The following MYOCD variants were observed in gnomAD, a reference collection of about 807,000 sequenced individuals.
The protein encoded by MYOCD is myocardin.
MYOCD carries 32 observed loss-of-function variants against 96.1 expected under a neutral mutation model. The ratio of observed to expected loss-of-function variants is 0.33; its 90% CI spans 0.25 to 0.45. The LOEUF is 0.45. Among genes scored for constraint, MYOCD ranks in the 20% least tolerant of loss-of-function variants. MYOCD has a pLI of 1.00. For missense variants in MYOCD, 1,133 were observed against 1,200.6 expected (o/e 0.94, Z 0.83); for synonymous variants, 469 against 469.0 (o/e 1.00, Z 0.00).
At chr17:12,746,270 A>ATTTATG (rs1219744512) in intron 9 of MYOCD, among the ~76,000 whole-genome samples, 198 bp downstream of exon 9, 6 of 152,194 alleles carry the variant, frequency 3.9e-5, no homozygotes, top group African/African-American at 1.2e-4. Flanking sequence ...TGCAGCCGTA[A>ATTTATG]CAGGATACTG....
At chr17:12,734,878 C>G (rs943569090) in intron 5 of MYOCD, among the ~76,000 whole-genome samples, 4 of 138,752 alleles carry the variant, frequency 2.9e-5, no homozygotes, top group African/African-American at 1.0e-4. Flanking sequence ...CATGGTAAAG[C>G]GATAATGACT....
chr17:12,747,108 G>A lies in MYOCD; in HGVS notation c.1125+1036G>A, dbSNP rs376925080. On this transcript the variant is annotated intron_variant, in intron 9 of 13. Transcript: ENST00000425538. ...ATTTGCTTTAATTTTCACCCTGCAA[G>A]ATAAGTTTTGTCTCCCCAATTTAAA... Among the ~76,000 whole-genome samples the A allele has an allele frequency of 4.6e-4, 67 of 146,340 alleles. No homozygotes were observed. In the East Asian group the frequency reaches 5.9e-3, roughly 13 times the overall value.
At chr17:12,684,841 G>A (rs1262282295) in intron 1 of MYOCD, among the ~76,000 whole-genome samples, 6 of 137,318 alleles carry the variant, frequency 4.4e-5, no homozygotes, top group African/African-American at 1.4e-4. Context: ...GTGAGAATTC[G>A]TCTCAAAAAA....
intron 5 of MYOCD, among the ~76,000 whole-genome samples, chr17:12,731,804 T>C (rs2032179611): frequency 6.6e-6 from 1 of 152,224 alleles, no homozygotes; most frequent in African/African-American, 2.4e-5. Context: ...GAGGTGTTCA[T>C]GCCAAAAGGA....
Position 12,665,956 on chromosome 17 carries a change from C to G in MYOCD, c.-233C>G, listed in dbSNP as rs1429616310. 1.3e-5 allele frequency: 7 copies of G among 544,362 alleles called. No individual in the cohort carries two copies. Among genetic ancestry groups the G allele is most frequent in the Non-Finnish European group, 2.3e-5 (7 of 305,746 alleles). The allele number at this position is 544,362 out of a possible 1,614,324, so 33.7% of individuals were successfully genotyped here. A position where few individuals can be genotyped will look rare whatever the true frequency, so the allele number is the denominator to read the frequency against. On this transcript the variant is annotated 5_prime_UTR_variant, in exon 1 of 14. Transcript: ENST00000425538. This position sits in a 1 kb window ranked among gnomAD's most constrained non-coding sequence, Gnocchi z 4.2. ...TGCCGCGCTGCTCCTGGCCAACCTC[C>G]GAGGAGGAGGAGGGTCCCGCCGGCT...
chr17:12,760,031 A>T (rs1462947123), intron 12 of MYOCD: 1 of 152,444 alleles, frequency 6.6e-6, no homozygotes, highest in Non-Finnish European at 1.5e-5. Context: ...TGGTTTAAAA[A>T]TTTTTAGGCA....
intron 1 of MYOCD, among the ~76,000 whole-genome samples, chr17:12,703,379 CA>C (rs1235038890): frequency 6.6e-6 from 1 of 151,936 alleles, no homozygotes; most frequent in Non-Finnish European, 1.5e-5. Flanking sequence ...TGAATCTGTA[CA>C]TTTTTTTTCA....
intron 1 of MYOCD, among the ~76,000 whole-genome samples, chr17:12,684,632 G>A (rs1376305771): frequency 6.6e-6 from 1 of 150,640 alleles, no homozygotes; most frequent in Non-Finnish European, 1.5e-5. Context: ...GGATCACAAG[G>A]TCAGGAGTGC....
intron 1 of MYOCD, among the ~76,000 whole-genome samples, chr17:12,691,418 C>T (rs1159300351): frequency 6.6e-6 from 1 of 152,160 alleles, no homozygotes; most frequent in Admixed American, 6.5e-5. Context: ...ATTCAGGAGC[C>T]TCATTCTAAT....
chr17:12,746,763 C>T (rs977688647), intron 9 of MYOCD, among the ~76,000 whole-genome samples: 1 of 133,882 alleles, frequency 7.5e-6, no homozygotes, highest in African/African-American at 2.8e-5. Context: ...GAGTCTTGCT[C>T]TGTCATCCAG....
At chr17:12,748,210 AAGAG>A (rs779997858) in intron 9 of MYOCD, among the ~76,000 whole-genome samples, 11 of 144,348 alleles carry the variant, frequency 7.6e-5, no homozygotes, top group African/African-American at 2.0e-4. Context: ...GAGAGAGAGA[AAGAG>A]AGAGACTGAA....
At chr17:12,761,304 C>A in intron 13 of MYOCD, 1 of 130,054 alleles carries the variant, frequency 7.7e-6, no homozygotes. Context: ...AATAAAAGCA[C>A]TCAGGGAGGA....
intron 2 of MYOCD, among the ~76,000 whole-genome samples, chr17:12,706,789 C>T (rs541457692): frequency 6.6e-6 from 1 of 152,236 alleles, no homozygotes; most frequent in East Asian, 1.9e-4. Flanking sequence ...TTTTGTTCCC[C>T]AGGAATTCCA....
intron 8 of MYOCD, among the ~76,000 whole-genome samples, chr17:12,745,335 T>G (rs1223211466): frequency 2.0e-5 from 3 of 151,880 alleles, no homozygotes; most frequent in Admixed American, 1.3e-4. Flanking sequence ...TCAGCCTCCC[T>G]AGTAGCTAGG....
chr17:12,756,071 G>A (rs994001374), intron 10 of MYOCD, among the ~76,000 whole-genome samples: 5 of 152,146 alleles, frequency 3.3e-5, no homozygotes, highest in African/African-American at 1.2e-4. Context: ...AAGGGACAAG[G>A]TAGGGGGATG....
chr17:12,695,665 G>A (rs577204293), intron 1 of MYOCD, among the ~76,000 whole-genome samples: 3 of 152,208 alleles, frequency 2.0e-5, no homozygotes, highest in African/African-American at 7.2e-5. Context: ...AGTGTTAATA[G>A]GAAAGATACT....
Position 12,717,377 on chromosome 17 carries a change from A to G in MYOCD, c.209A>G (p.Asn70Ser). 2 of 1,614,118 alleles carry G rather than the reference A, an allele frequency of 1.2e-6. No individual in the cohort carries two copies. The highest frequency in any genetic ancestry group is 1.3e-5 in the African/African-American group (1 of 75,054). ...AATTCCCTGAAGCGCAAAGCCAGAAACAGGTGCAACAGTGCCGACTTGGTT... is the reference window on the plus strand; with the variant it reads ...AATTCCCTGAAGCGCAAAGCCAGAAGCAGGTGCAACAGTGCCGACTTGGTT... ...AKNSLKRKARNRCNSADLVNM... is the reference protein window; with the variant it reads ...AKNSLKRKARSRCNSADLVNM... The change falls in exon 4 of 14, where the codon AAC (asparagine) becomes AGC (serine). Residue 70 changes from asparagine (N) to serine (S), a missense_variant. Asn to Ser is a conservative substitution (Grantham distance 46). Transcript: ENST00000425538.
chr17:12,705,293 G>A, intron 2 of MYOCD, 100 bp downstream of exon 2: 1 of 754,836 alleles, frequency 1.3e-6, no homozygotes, highest in Non-Finnish European at 2.2e-6. Flanking sequence ...CAATGCATTG[G>A]TCTCCGAAGA....
intron 2 of MYOCD, among the ~76,000 whole-genome samples, chr17:12,712,091 G>A (rs1463863386): frequency 1.3e-5 from 2 of 151,860 alleles, no homozygotes; most frequent in Non-Finnish European, 2.9e-5. Context: ...TTGAACTCCT[G>A]ACCTCATGAT....
Sources: allele counts gnomAD v4.1 joint callset (sites outside exome capture counted in the v4.1 genomes callset), GRCh38; gene constraint gnomAD v4.1.1; non-coding constraint Gnocchi (gnomAD v3.1); transcripts MANE v1.5; gene names NCBI Gene and HGNC (gene_info 2026-07-23, HGNC 2026-07-21).